B3GLCT: variants seen among roughly 807,000 people sequenced by gnomAD.
The protein encoded by B3GLCT is beta 3-glucosyltransferase.
Under a neutral mutation model 63.4 loss-of-function variants are expected in B3GLCT, and 65 were observed. The ratio of observed to expected loss-of-function variants is 1.03; its 90% CI spans 0.84 to 1.26. The LOEUF (loss-of-function observed/expected upper bound fraction) is 1.26. Ranked by LOEUF, B3GLCT falls within the 50% of genes most tolerant of loss-of-function variation. The pLI is 0.00. For synonymous variants in B3GLCT, 233 were observed against 219.2 expected (o/e 1.06, Z -0.55); for missense variants, 577 against 604.8 (o/e 0.95, Z 0.48).
At chr13:31,207,204 TA>T (rs566002851) in intron 1 of B3GLCT, among the ~76,000 whole-genome samples, 93 of 152,334 alleles carry the variant, frequency 6.1e-4, no homozygotes, top group African/African-American at 2.1e-3. Context: ...AAGTTAATCA[TA>T]AATTATATTT....
chr13:31,297,771 A>C (rs1481004667), intron 12 of B3GLCT, among the ~76,000 whole-genome samples: 1 of 152,128 alleles, frequency 6.6e-6, no homozygotes. Context: ...GGGTTCTTAC[A>C]ACCTCCTCTG....
chr13:31,206,466 C>T (rs766485243), intron 1 of B3GLCT, among the ~76,000 whole-genome samples: 3 of 151,752 alleles, frequency 2.0e-5, no homozygotes, highest in African/African-American at 4.8e-5. Context: ...CAAGCCCGGG[C>T]GCAGTGGCTC....
chr13:31,288,016 G>A (rs1873432876), intron 12 of B3GLCT, among the ~76,000 whole-genome samples: 1 of 152,198 alleles, frequency 6.6e-6, no homozygotes, highest in South Asian at 2.1e-4. Flanking sequence ...ACAATTTCAG[G>A]TGGCCTTGAA....
intron 10 of B3GLCT, chr13:31,282,932 C>G (rs1404483308): frequency 6.6e-6 from 1 of 152,136 alleles, no homozygotes; most frequent in East Asian, 1.9e-4. Context: ...AGGCACTGTG[C>G]CAGGTGTTGG....
At chr13:31,279,329 G>T (rs1454439552) in intron 10 of B3GLCT, among the ~76,000 whole-genome samples, 1 of 151,860 alleles carries the variant, frequency 6.6e-6, no homozygotes, top group African/African-American at 2.4e-5. Flanking sequence ...CTCTATTAGT[G>T]GGGGAAACCA....
chr13:31,272,474 C>A (rs1237090269), intron 8 of B3GLCT, among the ~76,000 whole-genome samples: 1 of 152,054 alleles, frequency 6.6e-6, no homozygotes, highest in Non-Finnish European at 1.5e-5. Context: ...CCTTGGCCTC[C>A]CAAAGTGCTG....
chr13:31,223,477 C>T (rs145152337), intron 3 of B3GLCT, among the ~76,000 whole-genome samples: 3 of 152,270 alleles, frequency 2.0e-5, no homozygotes, highest in African/African-American at 4.8e-5. Context: ...AAACTTGTCC[C>T]GAGCATCCTG....
At chr13:31,222,875 C>A in intron 2 of B3GLCT, 77 bp from the exon 3 acceptor site, 1 of 948,518 alleles carries the variant, frequency 1.1e-6, no homozygotes, top group Non-Finnish European at 1.7e-6. Context: ...TACCATGCAC[C>A]ATGCATGTTT....
intron 7 of B3GLCT, among the ~76,000 whole-genome samples, chr13:31,267,525 G>A (rs923550376): frequency 2.0e-5 from 3 of 152,242 alleles, no homozygotes; most frequent in African/African-American, 7.2e-5. Context: ...GTATATATTT[G>A]GAGTGTATCT....
intron 12 of B3GLCT, among the ~76,000 whole-genome samples, chr13:31,289,873 T>A (rs1873557893): frequency 6.6e-6 from 1 of 152,146 alleles, no homozygotes. Context: ...GTAGTTTTTT[T>A]TTTTTAATTA....
intron 12 of B3GLCT, among the ~76,000 whole-genome samples, chr13:31,296,926 C>T (rs539659532): frequency 6.6e-6 from 1 of 152,186 alleles, no homozygotes; most frequent in East Asian, 1.9e-4. Context: ...ACTCTCTATA[C>T]TCCCCTAACC....
intron 4 of B3GLCT, among the ~76,000 whole-genome samples, chr13:31,238,072 C>G (rs2137789053): frequency 6.6e-6 from 1 of 152,316 alleles, no homozygotes; most frequent in South Asian, 2.1e-4. Flanking sequence ...AGTCATTACT[C>G]TGTCAGGTTG....
Position 31,279,492 on chromosome 13 carries a change from C to T in B3GLCT, c.850+2721C>T, listed in dbSNP as rs531030034. 5.9e-5 allele frequency among the ~76,000 whole-genome samples: 9 copies of T among 152,030 alleles called. No individual in the cohort carries two copies. In the South Asian group the frequency reaches 1.7e-3, roughly 28 times the overall value. On this transcript the variant is annotated intron_variant, in intron 10 of 14. Coordinates refer to ENST00000343307, the MANE Select transcript of B3GLCT (RefSeq NM_194318.4). Reference sequence around the variant, plus strand: ...GCAGGTTCTGTGATGCCCCCTGAGCCGTAAAACCAGCAAGTTTTTATTAGT... The same window carrying T: ...GCAGGTTCTGTGATGCCCCCTGAGCTGTAAAACCAGCAAGTTTTTATTAGT...
intron 7 of B3GLCT, among the ~76,000 whole-genome samples, chr13:31,261,887 A>C (rs1456582876): frequency 6.6e-6 from 1 of 152,214 alleles, no homozygotes; most frequent in Non-Finnish European, 1.5e-5. Flanking sequence ...TTCACATTTC[A>C]AAGTTCTCTA....
intron 13 of B3GLCT, among the ~76,000 whole-genome samples, chr13:31,321,576 A>G (rs930956517): frequency 6.6e-6 from 1 of 152,250 alleles, no homozygotes; most frequent in South Asian, 2.1e-4. Flanking sequence ...AATGGTTGCA[A>G]TGTGAAATTA....
intron 3 of B3GLCT, among the ~76,000 whole-genome samples, chr13:31,226,237 G>A (rs116061962): frequency 0.015 from 2,349 of 152,278 alleles, 68 homozygotes; most frequent in African/African-American, 0.054. Flanking sequence ...GCCTATGAAC[G>A]AGGCTCAGAC....
intron 10 of B3GLCT, among the ~76,000 whole-genome samples, chr13:31,280,004 C>G (rs1423938281): frequency 6.6e-6 from 1 of 152,174 alleles, no homozygotes; most frequent in East Asian, 1.9e-4. Flanking sequence ...AAGGGTATCT[C>G]CCTTGTTCCC....
chr13:31,249,473 T>G (rs1455756803), intron 6 of B3GLCT, among the ~76,000 whole-genome samples: 1 of 152,248 alleles, frequency 6.6e-6, no homozygotes, highest in Non-Finnish European at 1.5e-5. Context: ...TCCTTTTGGC[T>G]TGGGAAAAAC....
At chr13:31,247,373 T>A (rs770083803) in intron 5 of B3GLCT, among the ~76,000 whole-genome samples, 34 of 151,832 alleles carry the variant, frequency 2.2e-4, no homozygotes, top group Non-Finnish European at 4.3e-4. Flanking sequence ...GCCTCATGGG[T>A]TCAAGCAATT....
Sources: gnomAD v4.1 joint callset for allele counts (sites outside exome capture counted in the v4.1 genomes callset) on GRCh38, gnomAD v4.1.1 for gene constraint, MANE v1.5 for transcripts, NCBI Gene and HGNC (gene_info 2026-07-23, HGNC 2026-07-21) for gene names.